SAMD12: variants seen among roughly 807,000 people sequenced by gnomAD.
SAMD12 encodes the protein sterile alpha motif domain containing 12, also known as sterile alpha motif domain-containing protein 12.
SAMD12 carries 9 observed loss-of-function variants against 15.0 expected under a neutral mutation model. That is an observed-to-expected ratio of 0.60 (90% CI 0.36 to 1.05). The LOEUF is 1.05. SAMD12 is among the 50% of genes least tolerant of loss of function. The probability of loss-of-function intolerance (pLI) is 0.01; values close to 1 mark genes in which losing one functional copy is unlikely to be tolerated. For synonymous variants in SAMD12, 86 were observed against 90.1 expected (o/e 0.96, Z 0.25); for missense variants, 230 against 234.2 (o/e 0.98, Z 0.12).
At chr8:118,313,219 T>C (rs933440549) in intron 4 of SAMD12, among the ~76,000 whole-genome samples, 1 of 152,214 alleles carries the variant, frequency 6.6e-6, no homozygotes, top group African/African-American at 2.4e-5. Flanking sequence ...ATGTGGAATA[T>C]AAGCCACGTT....
chr8:118,234,890 G>C (rs866562083), intron 4 of SAMD12, among the ~76,000 whole-genome samples: 15 of 151,798 alleles, frequency 9.9e-5, no homozygotes, highest in African/African-American at 3.4e-4. Context: ...CAAGTTTTTT[G>C]GATTTCTAAA....
At chr8:118,428,291 T>C (rs969027616) in intron 3 of SAMD12, among the ~76,000 whole-genome samples, 9 of 152,122 alleles carry the variant, frequency 5.9e-5, no homozygotes, top group Admixed American at 2.6e-4. Context: ...AGAAGCCAAG[T>C]GTGATTGTGT....
intron 4 of SAMD12, among the ~76,000 whole-genome samples, chr8:118,315,018 C>T (rs905308944): frequency 2.6e-5 from 4 of 152,196 alleles, no homozygotes; most frequent in African/African-American, 7.2e-5. Flanking sequence ...ACTAACTTCA[C>T]GTACATATTT....
rs114173347 is a variant in SAMD12 at position 118,272,048 on chromosome 8, C to T, written c.434-74316G>A. Among the ~76,000 whole-genome samples, 14 of 152,318 alleles carry T rather than the reference C, an allele frequency of 9.2e-5. No homozygotes were observed. The South Asian group carries it at 1.7e-3, about 18-fold the overall frequency. ...CAGTGGGGACTCTGTGTGGGGGCTC[C>T]GATCCCATATTTCCCTTCCACAGTG... On this transcript the variant is annotated intron_variant, in intron 4 of 4. Transcript: ENST00000409003.
rs531644489 is a variant in SAMD12 at position 118,409,710 on chromosome 8, C to T, written c.323-30010G>A. On this transcript the variant is annotated intron_variant, in intron 3 of 3. Transcript: ENST00000314727. Reference sequence around the variant, plus strand: ...TACTGGGATGTACTACTTACATGTACCTGGCTAAATGGCTTATAATATCTA... The same window carrying T: ...TACTGGGATGTACTACTTACATGTATCTGGCTAAATGGCTTATAATATCTA... Among the ~76,000 whole-genome samples the T allele has an allele frequency of 4.2e-4, 55 of 132,220 alleles. 1 individual carries two copies. In the South Asian group the frequency reaches 9.7e-3, roughly 23 times the overall value. 86.7% of individuals were successfully genotyped at this position (132,220 alleles called of 152,430 possible). A position where few individuals can be genotyped will look rare whatever the true frequency, so the allele number is the denominator to read the frequency against.
chr8:118,165,584 CTA>C, the SAMD12 span, among the ~76,000 whole-genome samples: 1 of 79,214 alleles, frequency 1.3e-5, no homozygotes, highest in Admixed American at 1.5e-4. Context: ...TATCATAAAT[CTA>C]TATATATACA....
At chr8:118,217,591 G>C (rs1400707306) in intron 4 of SAMD12, among the ~76,000 whole-genome samples, 1 of 152,116 alleles carries the variant, frequency 6.6e-6, no homozygotes, top group Admixed American at 6.5e-5. Flanking sequence ...TTTTATAAAG[G>C]GAGTGATTGC....
chr8:118,430,220 G>A (rs1474725191), intron 3 of SAMD12, among the ~76,000 whole-genome samples: 1 of 152,158 alleles, frequency 6.6e-6, no homozygotes, highest in Non-Finnish European at 1.5e-5. Flanking sequence ...TGATGTTGAA[G>A]TTTTACAACT....
At chr8:118,615,528 T>C (rs1182087253) in intron 1 of SAMD12, among the ~76,000 whole-genome samples, 1 of 152,176 alleles carries the variant, frequency 6.6e-6, no homozygotes. Context: ...AAAGGCACCA[T>C]CTGCTTGAAT....
At chr8:118,158,784 GC>G in the SAMD12 span, among the ~76,000 whole-genome samples, 1 of 152,094 alleles carries the variant, frequency 6.6e-6, no homozygotes, top group East Asian at 1.9e-4. Context: ...CCAGACTAGG[GC>G]AAATGATGGG....
intron 4 of SAMD12, among the ~76,000 whole-genome samples, chr8:118,348,369 A>C (rs1236626371): frequency 2.1e-5 from 3 of 140,046 alleles, no homozygotes; most frequent in Non-Finnish European, 1.5e-5. Flanking sequence ...GCTCCTGACC[A>C]CTTATTACTT....
rs113040935 is a variant in SAMD12 at position 118,277,936 on chromosome 8, A to T, written c.434-80204T>A. Among the ~76,000 whole-genome samples the T allele has an allele frequency of 1.2e-3, 190 of 152,320 alleles. 1 individual carries two copies. Among genetic ancestry groups the T allele is most frequent in the African/African-American group, 3.7e-3 (153 of 41,574 alleles). On this transcript the variant is annotated intron_variant, in intron 4 of 4. Transcript: ENST00000409003. ...ACTCTTTCATGGTAATTTCCACAGC[A>T]AACAATGTAGTTATTTACCCAGCAC...
chr8:118,469,517 A>AATATATATTATATATTATATAT (rs1376014411), intron 2 of SAMD12, among the ~76,000 whole-genome samples: 1 of 160 alleles, frequency 6.3e-3, no homozygotes, highest in Non-Finnish European at 0.013. Context: ...ATAATATATA[A>AATATATATTATATATTATATAT]TATATATAAT....
chr8:118,277,819 A>T (rs1813510383), intron 4 of SAMD12, among the ~76,000 whole-genome samples: 1 of 152,186 alleles, frequency 6.6e-6, no homozygotes, highest in Non-Finnish European at 1.5e-5. Context: ...CTAATTCCAT[A>T]GTCACTGCCC....
At chr8:118,434,321 C>A (rs190293511) in intron 3 of SAMD12, among the ~76,000 whole-genome samples, 81 of 152,270 alleles carry the variant, frequency 5.3e-4, no homozygotes, top group Middle Eastern at 3.4e-3. Context: ...GTAAGCGATA[C>A]TCATATGACA....
At chr8:118,493,583 A>G (rs1453397485) in intron 2 of SAMD12, among the ~76,000 whole-genome samples, 1 of 152,196 alleles carries the variant, frequency 6.6e-6, no homozygotes, top group Non-Finnish European at 1.5e-5. Flanking sequence ...AAATGTGATC[A>G]AGGTGGAGGG....
At chr8:118,394,652 T>G (rs1820458759) in intron 3 of SAMD12, 1 of 152,182 alleles carries the variant, frequency 6.6e-6, no homozygotes, top group Non-Finnish European at 1.5e-5. Context: ...AGTGCCAATA[T>G]CCTGACTTTG....
intron 4 of SAMD12, among the ~76,000 whole-genome samples, chr8:118,298,131 C>T (rs903379658): frequency 2.0e-5 from 3 of 152,166 alleles, no homozygotes; most frequent in East Asian, 1.9e-4. Context: ...GCTGAATGCA[C>T]GGCTCATAGG....
At chr8:118,545,192 C>A (rs1433110951) in intron 2 of SAMD12, among the ~76,000 whole-genome samples, 2 of 152,216 alleles carry the variant, frequency 1.3e-5, no homozygotes, top group African/African-American at 4.8e-5. Flanking sequence ...CCAGGCCAGG[C>A]ACAGTGGCTC....
Sources: allele counts gnomAD v4.1 joint callset (sites outside exome capture counted in the v4.1 genomes callset), GRCh38; gene constraint gnomAD v4.1.1; transcripts MANE v1.5; gene names NCBI Gene and HGNC (gene_info 2026-07-23, HGNC 2026-07-21).